The following CNTN1 variants were observed in gnomAD, a reference collection of about 807,000 sequenced individuals.
CNTN1 encodes contactin 1, also known as contactin-1.
A neutral mutation model predicts 126.4 loss-of-function variants in CNTN1; 38 were observed. The ratio of observed to expected loss-of-function variants is 0.30; its 90% CI spans 0.23 to 0.39. CNTN1 has a LOEUF of 0.39. Ranked by LOEUF, CNTN1 falls within the 10% of genes least tolerant of loss-of-function variation. CNTN1 has a pLI of 1.00. For synonymous variants in CNTN1, 413 were observed against 422.6 expected (o/e 0.98, Z 0.28); for missense variants, 1,009 against 1,248.4 (o/e 0.81, Z 2.89).
intron 1 of CNTN1, among the ~76,000 whole-genome samples, chr12:40,843,832 A>G (rs1458259572): frequency 1.3e-5 from 2 of 152,128 alleles, no homozygotes; most frequent in African/African-American, 4.8e-5. Context: ...TTTGGAATTC[A>G]TTGAAGATGT....
At chr12:40,842,440 A>G (rs1942321110) in intron 1 of CNTN1, among the ~76,000 whole-genome samples, 1 of 152,086 alleles carries the variant, frequency 6.6e-6, no homozygotes, top group African/African-American at 2.4e-5. Context: ...GTTTGAGGTG[A>G]TGGGTATCCC....
At chr12:41,034,400 T>C (rs1464326620) in intron 23 of CNTN1, among the ~76,000 whole-genome samples, 3 of 152,192 alleles carry the variant, frequency 2.0e-5, no homozygotes, top group African/African-American at 7.2e-5. Context: ...GAAAACTATT[T>C]TTTGGGTAGA....
At chr12:40,759,568 T>G (rs1938759671) in intron 1 of CNTN1, among the ~76,000 whole-genome samples, 1 of 151,626 alleles carries the variant, frequency 6.6e-6, no homozygotes, top group Non-Finnish European at 1.5e-5. Context: ...CAGGCTCAAG[T>G]GATCCTCCCA....
chr12:40,892,241 G>C (rs1039140612), intron 1 of CNTN1, among the ~76,000 whole-genome samples: 2 of 152,078 alleles, frequency 1.3e-5, no homozygotes. Context: ...AGCAAAAAGT[G>C]ATAAGAAAGA....
chr12:40,862,464 T>C (rs570100464), intron 1 of CNTN1, among the ~76,000 whole-genome samples: 1 of 152,250 alleles, frequency 6.6e-6, no homozygotes, highest in Admixed American at 6.5e-5. Flanking sequence ...AAAAATAAAA[T>C]GTTACATGTG....
intron 1 of CNTN1, among the ~76,000 whole-genome samples, chr12:40,834,107 A>G (rs574497391): frequency 5.9e-4 from 90 of 152,344 alleles, no homozygotes; most frequent in African/African-American, 2.1e-3. Flanking sequence ...ACCAAATGCA[A>G]TTAAGCAGAA....
At chr12:40,742,001 C>T (rs767906887) in intron 1 of CNTN1, among the ~76,000 whole-genome samples, 1 of 151,906 alleles carries the variant, frequency 6.6e-6, no homozygotes, top group Non-Finnish European at 1.5e-5. Flanking sequence ...GCTTTCAAAA[C>T]TTCCAAGAGT....
chr12:41,057,168 A>C (rs1433651529), intron 23 of CNTN1, among the ~76,000 whole-genome samples: 1 of 129,064 alleles, frequency 7.7e-6, no homozygotes, highest in African/African-American at 3.2e-5. Flanking sequence ...ATATTAAGAT[A>C]TTTATATTAT....
At chr12:40,843,452 T>C (rs1942369541) in intron 1 of CNTN1, among the ~76,000 whole-genome samples, 1 of 152,210 alleles carries the variant, frequency 6.6e-6, no homozygotes, top group South Asian at 2.1e-4. Flanking sequence ...AAGTAATATT[T>C]GCCATCTTTT....
At chr12:40,726,950 A>T (rs1350297627) in intron 1 of CNTN1, among the ~76,000 whole-genome samples, 1 of 150,478 alleles carries the variant, frequency 6.6e-6, no homozygotes, top group African/African-American at 2.4e-5. Context: ...AATCTAAATA[A>T]AATTAAATAA....
At chr12:40,795,911 G>A (rs1048460384) in intron 1 of CNTN1, among the ~76,000 whole-genome samples, 2 of 151,974 alleles carry the variant, frequency 1.3e-5, no homozygotes, top group Admixed American at 6.6e-5. Flanking sequence ...CTATGAGGTG[G>A]ATATTTTTAA....
At chr12:40,806,695 T>C (rs1372421471) in intron 1 of CNTN1, among the ~76,000 whole-genome samples, 1 of 152,136 alleles carries the variant, frequency 6.6e-6, no homozygotes, top group African/African-American at 2.4e-5. Context: ...TGGTAGCCCA[T>C]ATGGCCTCTG....
intron 17 of CNTN1, among the ~76,000 whole-genome samples, chr12:41,002,019 G>T (rs1314582713): frequency 4.0e-5 from 6 of 151,856 alleles, no homozygotes; most frequent in Admixed American, 2.0e-4. Flanking sequence ...TGTTTTTTTT[G>T]ATTACCGTAG....
chr12:41,044,847 A>G (rs1386730557), intron 23 of CNTN1, among the ~76,000 whole-genome samples: 1 of 152,092 alleles, frequency 6.6e-6, no homozygotes, highest in East Asian at 1.9e-4. Flanking sequence ...TTTTCTGAGT[A>G]TTGGGTATTA....
At chr12:40,871,903 T>C (rs1335214617) in intron 1 of CNTN1, among the ~76,000 whole-genome samples, 1 of 152,004 alleles carries the variant, frequency 6.6e-6, no homozygotes, top group Non-Finnish European at 1.5e-5. Flanking sequence ...ATCTGGTTTA[T>C]TGAGTGATTT....
intron 20 of CNTN1, among the ~76,000 whole-genome samples, chr12:41,023,004 C>T (rs559008124): frequency 9.9e-5 from 15 of 152,082 alleles, no homozygotes; most frequent in Non-Finnish European, 2.2e-4. Flanking sequence ...GCAGGAAATG[C>T]TCCTGTGACT....
intron 1 of CNTN1, among the ~76,000 whole-genome samples, chr12:40,775,902 A>ACT (rs1939558853): frequency 6.6e-6 from 1 of 151,648 alleles, no homozygotes; most frequent in Admixed American, 6.6e-5. Flanking sequence ...ACGTAGTGTA[A>ACT]GTAGTATGTT....
chr12:40,954,001 A>G (rs989778886), intron 14 of CNTN1, among the ~76,000 whole-genome samples: 3 of 152,120 alleles, frequency 2.0e-5, no homozygotes, highest in Non-Finnish European at 4.4e-5. Flanking sequence ...GTAAAGTTCA[A>G]TGAAGAAACA....
At chr12:41,022,737 T>A (rs1441881052) in intron 20 of CNTN1, among the ~76,000 whole-genome samples, 1 of 152,172 alleles carries the variant, frequency 6.6e-6, no homozygotes, top group Non-Finnish European at 1.5e-5. Context: ...TAGACACTAT[T>A]ATTATCCCTA....
Sources: gnomAD v4.1 joint callset for allele counts (sites outside exome capture counted in the v4.1 genomes callset) on GRCh38, gnomAD v4.1.1 for gene constraint, MANE v1.5 for transcripts, NCBI Gene and HGNC (gene_info 2026-07-23, HGNC 2026-07-21) for gene names.